Variants in CLEC16A observed in about 807,000 individuals in gnomAD.
CLEC16A encodes the protein protein CLEC16A.
A neutral mutation model predicts 109.5 loss-of-function variants in CLEC16A; 51 were observed. The observed-to-expected ratio is 0.47, with a 90% CI of 0.37 to 0.59. The LOEUF (loss-of-function observed/expected upper bound fraction) is 0.59. CLEC16A is among the 20% of genes least tolerant of loss of function. The pLI is 0.00. For missense variants in CLEC16A, 1,339 were observed against 1,394.0 expected, an observed-to-expected ratio of 0.96 and a Z score of 0.63; for synonymous variants, 673 against 564.2, an observed-to-expected ratio of 1.19 and a Z score of -2.73.
chr16:11,142,200 C>A (rs2053864548), intron 22 of CLEC16A, among the ~76,000 whole-genome samples: 1 of 152,176 alleles, frequency 6.6e-6, no homozygotes, highest in Admixed American at 6.5e-5. Context: ...GTTGCTGAAA[C>A]CCACTGCTAG....
chr16:11,126,418 G>A, intron 22 of CLEC16A: 2 of 1,415,368 alleles, frequency 1.4e-6, no homozygotes, highest in Non-Finnish European at 1.8e-6. Context: ...GAATTTTCTT[G>A]GAAATTTCTT....
At chr16:11,031,346 C>T (rs2046731354) in intron 13 of CLEC16A, among the ~76,000 whole-genome samples, 1 of 152,204 alleles carries the variant, frequency 6.6e-6, no homozygotes, top group Admixed American at 6.5e-5. Context: ...CTGGTGTTCT[C>T]CATGGGCTTC....
At chr16:10,969,941 C>G (rs1039378806) in intron 4 of CLEC16A, among the ~76,000 whole-genome samples, 4 of 152,186 alleles carry the variant, frequency 2.6e-5, no homozygotes, top group African/African-American at 9.7e-5. Context: ...ATGTACATAG[C>G]TCCCTAAAAG....
At position 10,979,396 on chromosome 16, in the gene CLEC16A, T is replaced by G. The variant is rs750650108; in HGVS notation, c.957+14T>G. ...CTTCTGTCACAGGTATGCTTGATCA[T>G]TCACCAATGTCCCCACTACATTTGG... On this transcript the variant is annotated intron_variant, in intron 9 of 23. Transcript: ENST00000409790. The G allele has an allele frequency of 1.2e-6, 2 of 1,611,758 alleles. No individual in the cohort carries two copies. The highest frequency in any genetic ancestry group is 3.3e-5 in the Admixed American group (2 of 59,786).
At chr16:10,995,857 C>G (rs930900650) in intron 10 of CLEC16A, among the ~76,000 whole-genome samples, 2 of 152,176 alleles carry the variant, frequency 1.3e-5, no homozygotes, top group African/African-American at 2.4e-5. Context: ...CTTCTCAAAT[C>G]GCTTAGCAGA....
intron 22 of CLEC16A, among the ~76,000 whole-genome samples, chr16:11,133,814 A>C (rs1243268879): frequency 6.6e-6 from 1 of 152,174 alleles, no homozygotes; most frequent in Non-Finnish European, 1.5e-5. Flanking sequence ...ACACAGGAAG[A>C]AGGACCTGGG....
chr16:11,069,564 A>G (rs1032559970), intron 19 of CLEC16A, among the ~76,000 whole-genome samples: 3 of 151,306 alleles, frequency 2.0e-5, no homozygotes, highest in African/African-American at 7.3e-5. Context: ...CAGCCTCCTG[A>G]GTAACTGAGA....
Position 10,979,313 on chromosome 16 carries a change from T to G in CLEC16A, c.904-16T>G. The G allele has an allele frequency of 6.2e-7, 1 of 1,608,668 alleles. No homozygotes were observed. ...TGACCTGATCTCTCTCTCTCTCTCC[T>G]GCCACCCTGCACTAGGGAGGAGAAC... On this transcript the variant is annotated splice_polypyrimidine_tract_variant and intron_variant, in intron 8 of 23. Transcript: ENST00000409790.
chr16:11,127,928 T>C (rs553423852), intron 22 of CLEC16A, among the ~76,000 whole-genome samples: 1 of 152,318 alleles, frequency 6.6e-6, no homozygotes, highest in South Asian at 2.1e-4. Flanking sequence ...CCGCCTGTTT[T>C]CAGTGATGAA....
At chr16:11,013,378 C>T (rs1378752405) in intron 11 of CLEC16A, among the ~76,000 whole-genome samples, 1 of 151,378 alleles carries the variant, frequency 6.6e-6, no homozygotes, top group Non-Finnish European at 1.5e-5. Context: ...CCTGTAATCC[C>T]ACCACTTTGG....
chr16:11,107,188 A>G (rs1048907991), intron 19 of CLEC16A, among the ~76,000 whole-genome samples: 1 of 152,028 alleles, frequency 6.6e-6, no homozygotes, highest in African/African-American at 2.4e-5. Flanking sequence ...CAAATACCCC[A>G]TTATCTACAT....
chr16:10,947,395 G>C (rs1033275238), intron 1 of CLEC16A, among the ~76,000 whole-genome samples: 7 of 152,218 alleles, frequency 4.6e-5, no homozygotes, highest in African/African-American at 1.7e-4. Context: ...ACTGTACAGT[G>C]TGATAAGTGC....
At chr16:11,059,353 G>C (rs917974676) in intron 18 of CLEC16A, among the ~76,000 whole-genome samples, 2 of 152,164 alleles carry the variant, frequency 1.3e-5, no homozygotes, top group African/African-American at 4.8e-5. Context: ...TAACTTAAGA[G>C]CTGATCTTTC....
intron 1 of CLEC16A, among the ~76,000 whole-genome samples, chr16:10,952,448 C>A (rs2041783563): frequency 6.6e-6 from 1 of 152,196 alleles, no homozygotes; most frequent in South Asian, 2.1e-4. Context: ...GAGCCAAGAT[C>A]ACGCCACTGC....
In CLEC16A at chr16:10,961,098, C is replaced by G. The variant is rs1018491092; in HGVS notation, c.210-1357C>G. ...CTAGGTACAGGCATTTTAACAAGTT[C>G]CCAAGTTGGTCACAGTGCGGCAGTG... On this transcript the variant is annotated intron_variant, in intron 2 of 23. Transcript: ENST00000409790. This position sits in a 1 kb window ranked among gnomAD's most constrained non-coding sequence, Gnocchi z 4.3. 6.6e-6 allele frequency among the ~76,000 whole-genome samples: 1 copy of G among 152,130 alleles called. No individual in the cohort carries two copies. Among genetic ancestry groups the G allele is most frequent in the African/African-American group, 2.4e-5 (1 of 41,406 alleles).
intron 19 of CLEC16A, among the ~76,000 whole-genome samples, chr16:11,095,683 G>C (rs1036415736): frequency 1.3e-5 from 2 of 151,992 alleles, no homozygotes; most frequent in Non-Finnish European, 2.9e-5. Context: ...GTGGTGGCAG[G>C]CTCCTGTAAT....
At chr16:11,162,815 A>G (rs895282880) in intron 22 of CLEC16A, among the ~76,000 whole-genome samples, 7 of 152,108 alleles carry the variant, frequency 4.6e-5, no homozygotes, top group African/African-American at 1.7e-4. Context: ...CTGCACACCA[A>G]TATGCTGAAT....
chr16:11,105,601 A>C (rs985257085), intron 19 of CLEC16A, among the ~76,000 whole-genome samples: 1 of 152,202 alleles, frequency 6.6e-6, no homozygotes, highest in African/African-American at 2.4e-5. Context: ...ACTGAGAGAA[A>C]GGAAGTAGCT....
intron 12 of CLEC16A, among the ~76,000 whole-genome samples, chr16:11,021,566 G>A (rs2046099919): frequency 6.6e-6 from 1 of 152,186 alleles, no homozygotes; most frequent in Non-Finnish European, 1.5e-5. Context: ...GGGAGGCCAA[G>A]GGGGGAGGAT....
Sources: allele counts gnomAD v4.1 joint callset (sites outside exome capture counted in the v4.1 genomes callset), GRCh38; gene constraint gnomAD v4.1.1; non-coding constraint Gnocchi (gnomAD v3.1); transcripts MANE v1.5; gene names NCBI Gene and HGNC (gene_info 2026-07-23, HGNC 2026-07-21).